Variants in CADM2 observed in about 807,000 individuals in gnomAD.
The protein encoded by CADM2 is cell adhesion molecule 2.
A neutral mutation model predicts 49.8 loss-of-function variants in CADM2; 12 were observed. The observed-to-expected ratio is 0.24, with a 90% confidence interval of 0.15 to 0.39. CADM2 has a LOEUF of 0.39. Among genes scored for constraint, CADM2 ranks in the 10% least tolerant of loss-of-function variants. The probability of loss-of-function intolerance (pLI) is 1.00; values close to 1 mark genes in which losing one functional copy is unlikely to be tolerated. For synonymous variants in CADM2, 214 were observed against 175.4 expected, an observed-to-expected ratio of 1.22 and a Z score of -1.74; for missense variants, 378 against 492.3, an observed-to-expected ratio of 0.77 and a Z score of 2.20.
At chr3:85,141,590 G>A (rs1031875027) in intron 1 of CADM2, among the ~76,000 whole-genome samples, 1 of 152,138 alleles carries the variant, frequency 6.6e-6, no homozygotes, top group Non-Finnish European at 1.5e-5. Flanking sequence ...ATAACAATAT[G>A]TAACAATATG....
intron 1 of CADM2, among the ~76,000 whole-genome samples, chr3:85,672,239 C>T (rs1269821019): frequency 1.4e-5 from 2 of 143,480 alleles, no homozygotes; most frequent in South Asian, 2.2e-4. Context: ...TTCGCCCAGG[C>T]CAGAGTGCAG....
intron 1 of CADM2, among the ~76,000 whole-genome samples, chr3:85,014,016 T>C (rs2034130695): frequency 6.9e-6 from 1 of 144,638 alleles, no homozygotes; most frequent in Admixed American, 7.0e-5. Flanking sequence ...TTGTATATTA[T>C]ATATACGCAG....
Position 85,405,030 on chromosome 3 carries a change from T to G in CADM2, c.62-321492T>G, listed in dbSNP as rs1239637500. On this transcript the variant is annotated intron_variant, in intron 1 of 9. Coordinates refer to ENST00000383699, the MANE Select transcript of CADM2 (RefSeq NM_001167675.2). Reference sequence around the variant, plus strand: ...ACAAGTTAATAGAAAGCAGGAGTGATTTTAAGAAGTCACTAACTGTTGGAT... The same window carrying G: ...ACAAGTTAATAGAAAGCAGGAGTGAGTTTAAGAAGTCACTAACTGTTGGAT... Among the ~76,000 whole-genome samples, 3 of 152,226 alleles carry G rather than the reference T, an allele frequency of 2.0e-5. No homozygotes were observed. In the East Asian group the frequency reaches 5.8e-4, roughly 29 times the overall value.
intron 1 of CADM2, among the ~76,000 whole-genome samples, chr3:85,063,798 A>C (rs1298817494): frequency 6.6e-6 from 1 of 152,096 alleles, no homozygotes; most frequent in Non-Finnish European, 1.5e-5. Context: ...GAATGTCTTA[A>C]AATAAATACT....
At chr3:85,771,149 A>G (rs900078686) in intron 2 of CADM2, among the ~76,000 whole-genome samples, 2 of 152,130 alleles carry the variant, frequency 1.3e-5, no homozygotes, top group African/African-American at 4.8e-5. Context: ...CACTTTATCA[A>G]TCTAAATTAG....
intron 1 of CADM2, among the ~76,000 whole-genome samples, chr3:84,982,132 T>C (rs895592093): frequency 6.6e-6 from 1 of 152,184 alleles, no homozygotes; most frequent in African/African-American, 2.4e-5. Context: ...GACTTTTGAA[T>C]AGTGTGGATT....
intron 1 of CADM2, among the ~76,000 whole-genome samples, chr3:84,979,811 T>A (rs138136457): frequency 6.6e-6 from 1 of 152,248 alleles, no homozygotes; most frequent in African/African-American, 2.4e-5. Context: ...CTTTTTTTGA[T>A]GTCTAAAAGG....
At chr3:85,746,229 T>C (rs1324525861) in intron 2 of CADM2, among the ~76,000 whole-genome samples, 1 of 152,202 alleles carries the variant, frequency 6.6e-6, no homozygotes, top group Non-Finnish European at 1.5e-5. Flanking sequence ...TTGCTTGGGC[T>C]TTTAACAAGC....
intron 1 of CADM2, among the ~76,000 whole-genome samples, chr3:85,325,773 TA>T (rs1474571453): frequency 6.6e-6 from 1 of 152,018 alleles, no homozygotes; most frequent in Non-Finnish European, 1.5e-5. Flanking sequence ...AGCCATGATT[TA>T]AAAAAATCTA....
At chr3:85,685,918 C>T (rs2066200426) in intron 1 of CADM2, among the ~76,000 whole-genome samples, 1 of 152,148 alleles carries the variant, frequency 6.6e-6, no homozygotes, top group South Asian at 2.1e-4. Context: ...GCCACCACGC[C>T]TGGCCTTTAT....
At chr3:85,007,370 A>G (rs2035562) in intron 1 of CADM2, among the ~76,000 whole-genome samples, 110,789 of 152,032 alleles carry the variant, frequency 0.73, 41,643 homozygotes, top group African/African-American at 0.91. Context: ...TCATTGTTGC[A>G]TAACAGACAA....
intron 8 of CADM2, among the ~76,000 whole-genome samples, chr3:86,016,683 T>C (rs1392355350): frequency 1.3e-5 from 2 of 152,182 alleles, no homozygotes. Context: ...GTAATTTCTA[T>C]AATCTTAACC....
chr3:85,364,360 A>G (rs1208651354), intron 1 of CADM2, among the ~76,000 whole-genome samples: 1 of 152,212 alleles, frequency 6.6e-6, no homozygotes, highest in African/African-American at 2.4e-5. Flanking sequence ...TTTCTGTTAA[A>G]ACTCACGCCT....
intron 1 of CADM2, among the ~76,000 whole-genome samples, chr3:85,360,215 A>C (rs1357287775): frequency 1.3e-5 from 2 of 152,156 alleles, no homozygotes; most frequent in Non-Finnish European, 2.9e-5. Flanking sequence ...CAAGCAGGAC[A>C]TAAAAAGCTT....
intron 3 of CADM2, among the ~76,000 whole-genome samples, chr3:85,803,299 A>C (rs566798563): frequency 6.6e-6 from 1 of 152,160 alleles, no homozygotes; most frequent in Non-Finnish European, 1.5e-5. Flanking sequence ...ATTAGGGAGC[A>C]GGAAGTTCAT....
chr3:85,681,459 T>C (rs1008574623), intron 1 of CADM2, among the ~76,000 whole-genome samples: 7 of 152,108 alleles, frequency 4.6e-5, no homozygotes, highest in Admixed American at 2.6e-4. Flanking sequence ...AATGAACATA[T>C]TGAATTGCAG....
At chr3:85,019,340 G>A (rs2034396759) in intron 1 of CADM2, among the ~76,000 whole-genome samples, 1 of 152,176 alleles carries the variant, frequency 6.6e-6, no homozygotes, top group African/African-American at 2.4e-5. Flanking sequence ...AAAATTACCA[G>A]GGTGTGGTGG....
intron 8 of CADM2, chr3:86,014,157 C>T: frequency 7.8e-7 from 1 of 1,288,752 alleles, no homozygotes. Flanking sequence ...GGTGGAACTC[C>T]TGCAAGCACT....
At chr3:85,080,174 G>C (rs559174247) in intron 1 of CADM2, among the ~76,000 whole-genome samples, 2 of 151,982 alleles carry the variant, frequency 1.3e-5, no homozygotes, top group African/African-American at 4.8e-5. Context: ...TTTATACCTT[G>C]GTCGGTTCTG....
Sources: gnomAD v4.1 joint callset for allele counts (sites outside exome capture counted in the v4.1 genomes callset) on GRCh38, gnomAD v4.1.1 for gene constraint, MANE v1.5 for transcripts, NCBI Gene and HGNC (gene_info 2026-07-23, HGNC 2026-07-21) for gene names.